MRPS6: variants seen among roughly 807,000 people sequenced by gnomAD.
MRPS6 encodes the protein mitochondrial ribosomal protein S6, also known as small ribosomal subunit protein bS6m.
MRPS6 carries 6 observed loss-of-function variants against 13.1 expected under a neutral mutation model. The observed-to-expected ratio is 0.46, with a 90% confidence interval of 0.25 to 0.91. The LOEUF is 0.91. MRPS6 is among the 40% of genes least tolerant of loss of function. MRPS6 has a pLI of 0.18. For synonymous variants in MRPS6, 61 were observed against 56.5 expected, an observed-to-expected ratio of 1.08 and a Z score of -0.36; for missense variants, 164 against 155.6, an observed-to-expected ratio of 1.05 and a Z score of -0.29.
rs749430501 is a variant in MRPS6 at position 34,096,573 on chromosome 21, G to A, written c.45+22828G>A. 2 of 1,614,126 alleles carry A rather than the reference G, an allele frequency of 1.2e-6. No homozygotes were observed. The highest frequency in any genetic ancestry group is 1.7e-6 in the Non-Finnish European group (2 of 1,180,012). ...CCCAGTGGCAGCCTTGTTCCTGCTG[G>A]CAATTTTCTGGAAGCGCTGCAATGA... On this transcript the variant is annotated intron_variant, in intron 1 of 2. Transcript: ENST00000399312. This position sits in a 1 kb window ranked among gnomAD's most constrained non-coding sequence, Gnocchi z 5.9.
Position 34,142,732 on chromosome 21 carries a change from T to A in MRPS6, c.*132T>A. ...GGTGCTGTTTGATTTTTCTAAGGTA[T>A]TTTTAGCCCTTGATCCCCTTTGCTT... is the stretch of plus-strand genomic sequence containing the variant. On this transcript the variant is annotated 3_prime_UTR_variant, in exon 3 of 3. Transcript: ENST00000399312. 4 of 1,109,468 alleles carry A rather than the reference T, an allele frequency of 3.6e-6. No individual in the cohort carries two copies. Among genetic ancestry groups the A allele is most frequent in the Non-Finnish European group, 2.4e-6 (2 of 828,882 alleles). The allele number at this position is 1,109,468 out of a possible 1,614,324, so 68.7% of individuals were successfully genotyped here. A position where few individuals can be genotyped will look rare whatever the true frequency, so the allele number is the denominator to read the frequency against.
intron 1 of MRPS6, among the ~76,000 whole-genome samples, chr21:34,115,389 T>TCATGA (rs1328897004): frequency 6.6e-6 from 1 of 152,184 alleles, no homozygotes; most frequent in Non-Finnish European, 1.5e-5. Flanking sequence ...CACTGTGGTG[T>TCATGA]CAGGGCCAGA....
chr21:34,096,869 C>G lies in MRPS6; in HGVS notation c.45+23124C>G, dbSNP rs199948762. ...AGAAGAACCTGGTGGTGAAGGAGAA[C>G]TGCTCCCCAAAAGAGGAACCATACA... On this transcript the variant is annotated intron_variant, in intron 1 of 2. Transcript: ENST00000399312. This position sits in a 1 kb window ranked among gnomAD's most constrained non-coding sequence, Gnocchi z 5.9. 100 of 1,613,982 alleles carry G rather than the reference C, an allele frequency of 6.2e-5. 1 individual carries two copies. The Middle Eastern group carries it at 1.2e-3, about 19-fold the overall frequency.
intron 1 of MRPS6, among the ~76,000 whole-genome samples, chr21:34,074,212 A>C (rs949694799): frequency 9.3e-5 from 14 of 150,104 alleles, no homozygotes; most frequent in African/African-American, 2.7e-4. Flanking sequence ...GCTGCCGCCG[A>C]CCGCCTCCGC....
At chr21:34,137,258 G>C (rs1009390251) in intron 2 of MRPS6, among the ~76,000 whole-genome samples, 1 of 152,050 alleles carries the variant, frequency 6.6e-6, no homozygotes. Context: ...CTCAATTTTT[G>C]TTTAACTTGG....
At chr21:34,132,251 C>T (rs189233528) in intron 2 of MRPS6, among the ~76,000 whole-genome samples, 9 of 152,252 alleles carry the variant, frequency 5.9e-5, no homozygotes, top group South Asian at 2.1e-4. Flanking sequence ...CTGCCTGTCT[C>T]GGAGTCACTT....
intron 2 of MRPS6, among the ~76,000 whole-genome samples, chr21:34,137,959 T>C (rs1980766717): frequency 6.6e-6 from 1 of 152,166 alleles, no homozygotes; most frequent in African/African-American, 2.4e-5. Context: ...TGCTTGGTCA[T>C]GGTATATTGT....
At chr21:34,104,567 G>A (rs912466475) in intron 1 of MRPS6, 3 of 999,166 alleles carry the variant, frequency 3.0e-6, no homozygotes, top group African/African-American at 1.7e-5. Flanking sequence ...TATATCTGGT[G>A]TAGACTAATA....
chr21:34,138,269 C>A (rs1980776603), intron 2 of MRPS6, among the ~76,000 whole-genome samples: 1 of 151,888 alleles, frequency 6.6e-6, no homozygotes, highest in Non-Finnish European at 1.5e-5. Flanking sequence ...AATTAGATCC[C>A]ATTGGTCAAT....
chr21:34,125,136 GTA>G, intron 1 of MRPS6: 3 of 757,714 alleles, frequency 4.0e-6, no homozygotes, highest in Non-Finnish European at 5.8e-6. Context: ...GATATTCCTC[GTA>G]TCTGTGAGCT....
intron 1 of MRPS6, 62 bp from the exon 2 acceptor site, chr21:34,125,279 C>G: frequency 6.3e-7 from 1 of 1,585,662 alleles, no homozygotes; most frequent in Non-Finnish European, 8.6e-7. Context: ...CTTAATCATT[C>G]TAGCTCTTAT....
chr21:34,089,481 T>G (rs1978569832), intron 1 of MRPS6, among the ~76,000 whole-genome samples: 1 of 152,040 alleles, frequency 6.6e-6, no homozygotes. Flanking sequence ...TCTCTGAGAT[T>G]TCTATAAAAA....
At chr21:34,140,781 CATT>C (rs1178663292) in intron 2 of MRPS6, among the ~76,000 whole-genome samples, 1 of 151,954 alleles carries the variant, frequency 6.6e-6, no homozygotes, top group Non-Finnish European at 1.5e-5. Flanking sequence ...TTGGTGGACC[CATT>C]ATTATGTATT....
intron 1 of MRPS6, among the ~76,000 whole-genome samples, chr21:34,110,314 G>C (rs974084855): frequency 1.4e-4 from 22 of 151,978 alleles, no homozygotes; most frequent in Non-Finnish European, 4.4e-5. Flanking sequence ...ATACACAAAA[G>C]TTAGCCACAT....
chr21:34,079,437 CTTCT>C (rs1264881922), intron 1 of MRPS6, among the ~76,000 whole-genome samples: 1 of 150,796 alleles, frequency 6.6e-6, no homozygotes, highest in Non-Finnish European at 1.5e-5. Flanking sequence ...CTCCCTTCTT[CTTCT>C]TTCTGTTTTT....
intron 2 of MRPS6, among the ~76,000 whole-genome samples, chr21:34,134,770 CCAAA>C (rs1405458971): frequency 6.6e-6 from 1 of 151,980 alleles, no homozygotes; most frequent in African/African-American, 2.4e-5. Flanking sequence ...ACTCAAATAC[CCAAA>C]CAACCAGTCT....
rs1018984945 is a variant in MRPS6 at position 34,091,246 on chromosome 21, G to A, written c.45+17501G>A. ...GTTTGGTCACGTTTAAGATTATTGC[G>A]TACTACTCTTTGCAGGCCCCGCCCT... On this transcript the variant is annotated intron_variant, in intron 1 of 2. Coordinates refer to ENST00000399312, the MANE Select transcript of MRPS6 (RefSeq NM_032476.4). Among the ~76,000 whole-genome samples, 10 of 64,222 alleles carry A rather than the reference G, an allele frequency of 1.6e-4. No homozygotes were observed. The South Asian group carries it at 2.3e-3, about 15-fold the overall frequency. The allele number at this position is 64,222 out of a possible 152,430, so 42.1% of individuals were successfully genotyped here.
chr21:34,074,577 C>G (rs1024024325), intron 1 of MRPS6, among the ~76,000 whole-genome samples: 1 of 152,244 alleles, frequency 6.6e-6, no homozygotes, highest in Non-Finnish European at 1.5e-5. Flanking sequence ...AGGCAGCTCA[C>G]TTCGTCCTCT....
intron 1 of MRPS6, among the ~76,000 whole-genome samples, chr21:34,077,697 A>G (rs945072851): frequency 1.3e-5 from 2 of 152,232 alleles, no homozygotes; most frequent in Non-Finnish European, 2.9e-5. Flanking sequence ...ATTATATTTT[A>G]CATTTAGATA....
Sources: gnomAD v4.1 joint callset for allele counts (sites outside exome capture counted in the v4.1 genomes callset) on GRCh38, gnomAD v4.1.1 for gene constraint, Gnocchi (gnomAD v3.1) non-coding constraint, MANE v1.5 for transcripts, NCBI Gene and HGNC (gene_info 2026-07-23, HGNC 2026-07-21) for gene names.